Variants in PPP6R2 observed in about 807,000 individuals in gnomAD.
PPP6R2 encodes the protein protein phosphatase 6 regulatory subunit 2.
A neutral mutation model predicts 100.2 loss-of-function variants in PPP6R2; 62 were observed. That is an observed-to-expected ratio of 0.62 (90% CI 0.50 to 0.76). The LOEUF is 0.76. PPP6R2 is among the 30% of genes least tolerant of loss of function. The probability of loss-of-function intolerance (pLI) is 0.00; values close to 1 mark genes in which losing one functional copy is unlikely to be tolerated. For synonymous variants in PPP6R2, 525 were observed against 514.7 expected, an observed-to-expected ratio of 1.02 and a Z score of -0.27; for missense variants, 1,142 against 1,276.3, an observed-to-expected ratio of 0.89 and a Z score of 1.60.
rs902216690 is a variant in PPP6R2 at position 50,395,458 on chromosome 22, C to T, written c.227+1323C>T. Among the ~76,000 whole-genome samples, 6 of 152,320 alleles carry T rather than the reference C, an allele frequency of 3.9e-5. No individual in the cohort carries two copies. In the East Asian group the frequency reaches 5.8e-4, roughly 15 times the overall value. ...CATGACCCGCAGTGTCCCCAGGTGA[C>T]GCCTCATTAGGAAGTGGGAGATACA... On this transcript the variant is annotated intron_variant, in intron 3 of 23. Coordinates refer to ENST00000612753, the MANE Select transcript of PPP6R2 (RefSeq NM_001242898.2).
chr22:50,436,141 A>T (rs1189340069), intron 13 of PPP6R2, among the ~76,000 whole-genome samples: 6 of 152,328 alleles, frequency 3.9e-5, no homozygotes, highest in South Asian at 4.1e-4. Flanking sequence ...CCCTGCCCAC[A>T]GGTGCTGCAC....
intron 19 of PPP6R2, 51 bp from the exon 20 acceptor site, chr22:50,439,650 G>C: frequency 6.8e-7 from 1 of 1,473,864 alleles, no homozygotes; most frequent in Non-Finnish European, 9.0e-7. Flanking sequence ...CCCTTTGCCT[G>C]CAGCACCCCA....
At position 50,445,003 on chromosome 22, in the gene PPP6R2, T is replaced by C. The variant is rs1233677929; in HGVS notation, c.*756T>C. Reference sequence around the variant, plus strand: ...CCTAGAAGGGTCCAGAAGATTATTTTACGTTGAGTCCATTTTTAATGTTCT... The same window carrying C: ...CCTAGAAGGGTCCAGAAGATTATTTCACGTTGAGTCCATTTTTAATGTTCT... On this transcript the variant is annotated 3_prime_UTR_variant, in exon 24 of 24. Coordinates refer to ENST00000612753, the MANE Select transcript of PPP6R2 (RefSeq NM_001242898.2). 1 of 152,530 alleles carries C rather than the reference T, an allele frequency of 6.6e-6. No individual in the cohort carries two copies. The highest frequency in any genetic ancestry group is 1.5e-5 in the Non-Finnish European group (1 of 68,072). The allele number at this position is 152,530 out of a possible 1,614,324, so 9.4% of individuals were successfully genotyped here.
intron 2 of PPP6R2, among the ~76,000 whole-genome samples, chr22:50,380,231 C>CTTTT (rs57158964): frequency 1.4e-5 from 2 of 142,678 alleles, no homozygotes; most frequent in East Asian, 2.0e-4. Flanking sequence ...CAGTCTTTTT[C>CTTTT]TTTTTTTTTT....
chr22:50,388,837 A>G (rs574297488), intron 2 of PPP6R2: 8 of 151,454 alleles, frequency 5.3e-5, no homozygotes, highest in South Asian at 2.1e-4. Context: ...GTGCCACTGC[A>G]CTCCAGCGTG....
chr22:50,353,081 C>T (rs1351850587), intron 1 of PPP6R2, among the ~76,000 whole-genome samples: 1 of 152,172 alleles, frequency 6.6e-6, no homozygotes, highest in Non-Finnish European at 1.5e-5. Context: ...AAGCAGCCTT[C>T]TCCGTGTCAG....
intron 12 of PPP6R2, among the ~76,000 whole-genome samples, chr22:50,432,986 C>A (rs893542774): frequency 6.6e-6 from 1 of 152,194 alleles, no homozygotes; most frequent in Admixed American, 6.5e-5. Context: ...GCCACTGCTG[C>A]CACCAGCGGG....
At position 50,431,865 on chromosome 22, in the gene PPP6R2, G is replaced by A. The variant is rs536844079; in HGVS notation, c.1336-400G>A. Among the ~76,000 whole-genome samples the A allele has an allele frequency of 6.6e-6, 1 of 152,244 alleles. No homozygotes were observed. Among genetic ancestry groups the A allele is most frequent in the South Asian group, 2.1e-4 (1 of 4,824 alleles). On this transcript the variant is annotated intron_variant, in intron 11 of 23. Transcript: ENST00000612753. The surrounding 1 kb of genome is among the most constrained non-coding windows in gnomAD (Gnocchi z 4.8). Reference sequence around the variant, plus strand: ...AAGTGATCTGTGTCAGGGCCTGGAGGTGAGAGAAAGTGCTGAGGGCAGACA... The same window carrying A: ...AAGTGATCTGTGTCAGGGCCTGGAGATGAGAGAAAGTGCTGAGGGCAGACA...
At chr22:50,338,471 A>ATGTGATG (rs1569218298), upstream of PPP6R2, among the ~76,000 whole-genome samples, 3 of 32,478 alleles carry the variant, frequency 9.2e-5, no homozygotes, top group African/African-American at 7.5e-4. Flanking sequence ...AGTGTGTGTT[A>ATGTGATG]TGTGTGTGTT....
intron 15 of PPP6R2, 149 bp from the exon 16 acceptor site, chr22:50,437,357 G>T: frequency 1.5e-6 from 1 of 664,120 alleles, no homozygotes; most frequent in Non-Finnish European, 2.7e-6. Flanking sequence ...AGAATCGTGA[G>T]CCCTGAACAG....
At chr22:50,374,320 G>A (rs1285360018) in intron 2 of PPP6R2, among the ~76,000 whole-genome samples, 1 of 152,098 alleles carries the variant, frequency 6.6e-6, no homozygotes, top group East Asian at 1.9e-4. Flanking sequence ...GGGTGACAGA[G>A]CCAGACCCTG....
At chr22:50,369,217 A>G (rs1189733637) in intron 1 of PPP6R2, among the ~76,000 whole-genome samples, 2 of 151,052 alleles carry the variant, frequency 1.3e-5, no homozygotes, top group Non-Finnish European at 1.5e-5. Context: ...CAGCCTGGGC[A>G]ACAAGAGTGA....
chr22:50,419,223 C>A (rs781205448), intron 7 of PPP6R2, 126 bp from the exon 8 acceptor site: 1 of 866,886 alleles, frequency 1.2e-6, no homozygotes, highest in Non-Finnish European at 1.8e-6. Flanking sequence ...AACCCTGGCG[C>A]CTTGCCTTGA....
chr22:50,406,981 A>C, intron 4 of PPP6R2, 106 bp downstream of exon 4: 1 of 1,156,044 alleles, frequency 8.7e-7, no homozygotes, highest in Non-Finnish European at 1.3e-6. Flanking sequence ...CCGCGGGAAC[A>C]GCATCTGTGA....
chr22:50,360,380 G>C (rs896100536), intron 1 of PPP6R2, among the ~76,000 whole-genome samples: 7 of 149,590 alleles, frequency 4.7e-5, no homozygotes, highest in Non-Finnish European at 8.9e-5. Flanking sequence ...AGAGAGACAG[G>C]GTCTCCTCTG....
In PPP6R2 at chr22:50,431,342, A is replaced by T; in HGVS notation, c.1295A>T (p.Gln432Leu). Residue 432 changes from glutamine (Q) to leucine (L), a missense_variant, in exon 11 of 24, where the codon CAG (glutamine) becomes CTG (leucine). This residue lies in a region of PPP6R2 where 592 missense variants were observed against 758.9 expected (regional missense o/e 0.78). Coordinates refer to ENST00000612753, the MANE Select transcript of PPP6R2 (RefSeq NM_001242898.2). This position sits in a 1 kb window ranked among gnomAD's most constrained non-coding sequence, Gnocchi z 4.8. ...ENGNRSLETP[Q>L]PAASLPDNTM... ...GGGAACCGGAGCCTGGAGACTCCCC[A>T]GCCGGCCGCCAGCCTCCCTGACAAC... The T allele has an allele frequency of 6.2e-7, 1 of 1,613,002 alleles. No individual in the cohort carries two copies. The highest frequency in any genetic ancestry group is 1.1e-5 in the South Asian group (1 of 91,082).
At chr22:50,355,366 G>C (rs781611113) in intron 1 of PPP6R2, among the ~76,000 whole-genome samples, 36 of 146,762 alleles carry the variant, frequency 2.5e-4, no homozygotes, top group Non-Finnish European at 4.6e-4. Context: ...GCCTCTCCGA[G>C]TAGCTGGGAC....
At chr22:50,349,815 TAAAAAAA>T (rs1285843500) in intron 1 of PPP6R2, among the ~76,000 whole-genome samples, 1 of 115,444 alleles carries the variant, frequency 8.7e-6, no homozygotes, top group Non-Finnish European at 1.7e-5. Context: ...AACTCCATCT[TAAAAAAA>T]AAAAAAACAG....
chr22:50,377,851 A>G (rs1038408257), intron 2 of PPP6R2, among the ~76,000 whole-genome samples: 4 of 152,056 alleles, frequency 2.6e-5, no homozygotes, highest in Non-Finnish European at 4.4e-5. Flanking sequence ...TACTAAAAAC[A>G]CAAAAAGTAG....
Sources: allele counts gnomAD v4.1 joint callset (sites outside exome capture counted in the v4.1 genomes callset), GRCh38; gene constraint gnomAD v4.1.1; regional missense constraint gnomAD v4.1.1; non-coding constraint Gnocchi (gnomAD v3.1); transcripts MANE v1.5; gene names NCBI Gene and HGNC (gene_info 2026-07-23, HGNC 2026-07-21).